MYT1L: variants seen among roughly 807,000 people sequenced by gnomAD.
The protein encoded by MYT1L is myelin transcription factor 1 like, also known as myelin transcription factor 1-like protein.
In MYT1L, 12 loss-of-function variants were observed where a neutral mutation model predicts 126.7. The ratio of observed to expected loss-of-function variants is 0.09; its 90% CI spans 0.06 to 0.15. The LOEUF is 0.15. MYT1L is among the 10% of genes least tolerant of loss of function. The pLI is 1.00. For missense variants in MYT1L, 979 were observed against 1,585.2 expected (o/e 0.62, Z 6.49); for synonymous variants, 541 against 604.2 (o/e 0.90, Z 1.53).
chr2:1,931,496 T>G (rs2054980902), intron 9 of MYT1L, among the ~76,000 whole-genome samples: 1 of 151,212 alleles, frequency 6.6e-6, no homozygotes, highest in Non-Finnish European at 1.5e-5. Context: ...CTGCTGCGCC[T>G]TCCAAGTACT....
Position 1,791,411 on chromosome 2 carries a change from A to G in MYT1L, c.*456T>C. On this transcript the variant is annotated 3_prime_UTR_variant, in exon 25 of 25. Transcript: ENST00000647738. This position sits in a 1 kb window ranked among gnomAD's most constrained non-coding sequence, Gnocchi z 6.0. ...AAGTCCTCCAACATGAGGCAAAATG[A>G]TAACGTCTAAAAAGCGGCTGCTCAG... 1 of 385,542 alleles carries G rather than the reference A, an allele frequency of 2.6e-6. No individual in the cohort carries two copies. 23.9% of individuals were successfully genotyped at this position (385,542 alleles called of 1,614,324 possible).
At chr2:2,108,816 T>C (rs1052283927) in intron 3 of MYT1L, among the ~76,000 whole-genome samples, 3 of 152,240 alleles carry the variant, frequency 2.0e-5, no homozygotes, top group African/African-American at 7.2e-5. Context: ...GGAATATCTA[T>C]TTTGTTACTT....
At chr2:1,814,206 C>T (rs958527634) in intron 21 of MYT1L, among the ~76,000 whole-genome samples, 5 of 152,042 alleles carry the variant, frequency 3.3e-5, no homozygotes, top group African/African-American at 1.2e-4. Flanking sequence ...AGGTGAACGC[C>T]CCTGGCACTC....
chr2:1,982,584 AAACT>A (rs890348795), intron 5 of MYT1L, among the ~76,000 whole-genome samples: 2 of 152,180 alleles, frequency 1.3e-5, no homozygotes, highest in African/African-American at 4.8e-5. Flanking sequence ...TTAAAAAGAA[AAACT>A]GTGGTGAGGG....
chr2:2,223,538 G>A (rs1450779238), intron 2 of MYT1L, among the ~76,000 whole-genome samples: 2 of 152,156 alleles, frequency 1.3e-5, no homozygotes, highest in South Asian at 4.1e-4. Context: ...CTGTACTGAC[G>A]TGGTATTAGG....
rs764887325 is a variant in MYT1L, at chr2:2,284,386, C to T, written c.-421+18G>A. 1 of 152,150 alleles carries T rather than the reference C, an allele frequency of 6.6e-6. No individual in the cohort carries two copies. The highest frequency in any genetic ancestry group is 1.5e-5 in the Non-Finnish European group (1 of 68,046). The allele number at this position is 152,150 out of a possible 1,614,324, so 9.4% of individuals were successfully genotyped here. On this transcript the variant is annotated intron_variant, in intron 2 of 24. Coordinates refer to ENST00000647738, the MANE Select transcript of MYT1L (RefSeq NM_001303052.2). ...ACATTCCTAATACAACGGTAAGGTCCCATTGCAATTCACATACCACACGCT... is the reference window on the plus strand; with the variant it reads ...ACATTCCTAATACAACGGTAAGGTCTCATTGCAATTCACATACCACACGCT...
intron 3 of MYT1L, among the ~76,000 whole-genome samples, chr2:2,138,224 G>A (rs2083349097): frequency 6.6e-6 from 1 of 150,636 alleles, no homozygotes; most frequent in Non-Finnish European, 1.5e-5. Context: ...GGAGAAATAG[G>A]AACACTTTTA....
intron 18 of MYT1L, among the ~76,000 whole-genome samples, chr2:1,885,702 C>T (rs868350073): frequency 1.3e-5 from 2 of 152,166 alleles, no homozygotes; most frequent in African/African-American, 2.4e-5. Context: ...ATGGCCTGTC[C>T]GATAATTTAA....
At chr2:2,222,556 C>G (rs1223760761) in intron 2 of MYT1L, among the ~76,000 whole-genome samples, 1 of 151,652 alleles carries the variant, frequency 6.6e-6, no homozygotes, top group Non-Finnish European at 1.5e-5. Context: ...TGATTTTGAA[C>G]ATATATAGGA....
intron 4 of MYT1L, among the ~76,000 whole-genome samples, chr2:2,004,095 G>A (rs114302979): frequency 0.011 from 1,444 of 131,080 alleles, 38 homozygotes; most frequent in African/African-American, 0.038. Context: ...TCTTTCCTGC[G>A]TGCCTTCTTT....
chr2:2,147,465 A>C (rs1342943625), intron 3 of MYT1L, among the ~76,000 whole-genome samples: 1 of 152,216 alleles, frequency 6.6e-6, no homozygotes, highest in African/African-American at 2.4e-5. Flanking sequence ...CCTCCATCAG[A>C]TGCCATTCGG....
chr2:1,912,093 T>C lies in MYT1L; in HGVS notation c.1636A>G (p.Ser546Gly). The C allele has an allele frequency of 6.3e-7, 1 of 1,583,030 alleles. No individual in the cohort carries two copies. Among genetic ancestry groups the C allele is most frequent in the Non-Finnish European group, 8.6e-7 (1 of 1,158,382 alleles). The change falls in exon 12 of 25, where the codon AGT becomes GGT. Residue 546 changes from serine (S) to glycine (G), a missense_variant. Around this residue, in one of 12 missense-constraint regions of MYT1L, gnomAD observed 82 missense variants for 177.2 expected, o/e 0.46. Coordinates refer to ENST00000647738, the MANE Select transcript of MYT1L (RefSeq NM_001303052.2). The surrounding 1 kb of genome is among the most constrained non-coding windows in gnomAD (Gnocchi z 4.3). ...VPPEILAMHE[S>G]VLKCPTPGCT... ...CCCGGAGTGGGGCACTTGAGGACAC[T>C]TTCATGCATGGCAAGGACTTGACAG...
chr2:2,143,090 A>G (rs1575460479), intron 3 of MYT1L, among the ~76,000 whole-genome samples: 1 of 151,150 alleles, frequency 6.6e-6, no homozygotes, highest in African/African-American at 2.4e-5. Context: ...GGAGATTGAG[A>G]CCATCCTGGC....
intron 2 of MYT1L, among the ~76,000 whole-genome samples, chr2:2,211,764 C>T (rs1389649966): frequency 2.8e-5 from 4 of 141,336 alleles, no homozygotes; most frequent in Non-Finnish European, 6.0e-5. Flanking sequence ...AAAATCGCAC[C>T]ATTGCACTCC....
chr2:1,894,291 A>T (rs1264199920), intron 14 of MYT1L, among the ~76,000 whole-genome samples: 1 of 152,094 alleles, frequency 6.6e-6, no homozygotes, highest in African/African-American at 2.4e-5. Context: ...TGCTGGTCTG[A>T]GCAAGGCCCA....
At chr2:2,033,911 G>A (rs2066704567) in intron 4 of MYT1L, among the ~76,000 whole-genome samples, 1 of 152,166 alleles carries the variant, frequency 6.6e-6, no homozygotes, top group Admixed American at 6.5e-5. Context: ...TTTCACTCTA[G>A]AGTCAAGTCA....
At chr2:2,078,413 A>C (rs2075448699) in intron 3 of MYT1L, among the ~76,000 whole-genome samples, 1 of 152,212 alleles carries the variant, frequency 6.6e-6, no homozygotes, top group South Asian at 2.1e-4. Context: ...ACAAACAAAC[A>C]AACATGATTC....
At chr2:2,155,196 C>G (rs1426182274) in intron 3 of MYT1L, among the ~76,000 whole-genome samples, 1 of 152,172 alleles carries the variant, frequency 6.6e-6, no homozygotes, top group Non-Finnish European at 1.5e-5. Flanking sequence ...AAAAATTTTT[C>G]TCTTAAAAGT....
intron 18 of MYT1L, among the ~76,000 whole-genome samples, chr2:1,869,755 A>G (rs1308787157): frequency 6.6e-6 from 1 of 152,210 alleles, no homozygotes; most frequent in Non-Finnish European, 1.5e-5. Flanking sequence ...TATTATCATT[A>G]TCCCAGTTTC....
Sources: gnomAD v4.1 joint callset for allele counts (sites outside exome capture counted in the v4.1 genomes callset) on GRCh38, gnomAD v4.1.1 for gene constraint, gnomAD v4.1.1 regional missense constraint, Gnocchi (gnomAD v3.1) non-coding constraint, MANE v1.5 for transcripts, NCBI Gene and HGNC (gene_info 2026-07-23, HGNC 2026-07-21) for gene names.